C12orf42: variants seen among roughly 807,000 people sequenced by gnomAD.
C12orf42 encodes uncharacterized protein C12orf42.
A neutral mutation model predicts 21.6 loss-of-function variants in C12orf42; 25 were observed. That is an observed-to-expected ratio of 1.16 (90% CI 0.84 to 1.62). The LOEUF (loss-of-function observed/expected upper bound fraction) is 1.62, where lower values mean the gene tolerates loss of function less well. Among genes scored for constraint, C12orf42 ranks in the 40% most tolerant of loss-of-function variants. The probability of loss-of-function intolerance (pLI) is 0.00; values close to 1 mark genes in which losing one functional copy is unlikely to be tolerated. For missense variants in C12orf42, 483 were observed against 459.3 expected (o/e 1.05, Z -0.47); for synonymous variants, 174 against 175.0 (o/e 0.99, Z 0.05).
the C12orf42 span, among the ~76,000 whole-genome samples, chr12:103,090,994 A>G: frequency 7.2e-5 from 11 of 152,024 alleles, 1 homozygote; most frequent in East Asian, 1.7e-3. Context: ...AAAAAAAAAA[A>G]GAATACAAAA....
At chr12:103,269,795 GGA>G (rs1376239641) in intron 6 of C12orf42, 1 of 152,406 alleles carries the variant, frequency 6.6e-6, no homozygotes, top group East Asian at 1.9e-4. Context: ...GGGTGTCACA[GGA>G]GAGACTCACC....
chr12:103,398,732 T>C (rs949781594), intron 3 of C12orf42, among the ~76,000 whole-genome samples: 2 of 152,100 alleles, frequency 1.3e-5, no homozygotes, highest in East Asian at 1.9e-4. Context: ...CCCCACCCCA[T>C]TTATTGAATA....
At chr12:103,498,348 G>A (rs1336075099), upstream of C12orf42, among the ~76,000 whole-genome samples, 10 of 152,232 alleles carry the variant, frequency 6.6e-5, no homozygotes, top group East Asian at 5.8e-4. Context: ...TCAATAAATC[G>A]TTGTTGGATG....
At chr12:103,150,601 T>G in the C12orf42 span, among the ~76,000 whole-genome samples, 1 of 152,226 alleles carries the variant, frequency 6.6e-6, no homozygotes, top group Non-Finnish European at 1.5e-5. Context: ...GCAGAATCAC[T>G]TATTCCAGTA....
the C12orf42 span, among the ~76,000 whole-genome samples, chr12:103,160,028 A>G: frequency 2.0e-5 from 3 of 152,212 alleles, no homozygotes; most frequent in Non-Finnish European, 2.9e-5. Flanking sequence ...ACACTATTCA[A>G]TGGGGGTATT....
intron 4 of C12orf42, among the ~76,000 whole-genome samples, chr12:103,287,763 G>T (rs2036565489): frequency 6.7e-6 from 1 of 149,550 alleles, no homozygotes; most frequent in South Asian, 2.1e-4. Flanking sequence ...ACAAAAATCA[G>T]AAATTCTAAA....
chr12:103,184,428 C>T, the C12orf42 span, among the ~76,000 whole-genome samples: 1 of 151,954 alleles, frequency 6.6e-6, no homozygotes, highest in African/African-American at 2.4e-5. Flanking sequence ...TTTAACCTAC[C>T]TATGTCATTG....
chr12:103,274,408 T>C lies in C12orf42; in HGVS notation n.398+2742A>G, dbSNP rs181353602. Reference sequence around the variant, plus strand: ...CCTGGGTTGTAGCAAGCATTAAATATGTATAATACTTAGTATAGATGGAGC... The same window carrying C: ...CCTGGGTTGTAGCAAGCATTAAATACGTATAATACTTAGTATAGATGGAGC... On this transcript the variant is annotated intron_variant and non_coding_transcript_variant, in intron 5 of 6. Transcript: ENST00000546526. 2.2e-4 allele frequency among the ~76,000 whole-genome samples: 33 copies of C among 152,290 alleles called. No individual in the cohort carries two copies. In the East Asian group the frequency reaches 6.2e-3, roughly 29 times the overall value.
the C12orf42 span, among the ~76,000 whole-genome samples, chr12:103,177,957 G>A: frequency 6.6e-6 from 1 of 152,168 alleles, no homozygotes; most frequent in Non-Finnish European, 1.5e-5. Context: ...TTGCAGAAAA[G>A]AATAAAGCGT....
At chr12:103,451,568 T>C (rs534724389) in intron 2 of C12orf42, among the ~76,000 whole-genome samples, 3 of 152,212 alleles carry the variant, frequency 2.0e-5, no homozygotes, top group South Asian at 4.1e-4. Context: ...CTATAAATTA[T>C]GCTTGCAAAC....
chr12:103,370,715 C>T (rs2045130576), intron 3 of C12orf42, among the ~76,000 whole-genome samples: 1 of 151,962 alleles, frequency 6.6e-6, no homozygotes, highest in Non-Finnish European at 1.5e-5. Context: ...ACAAGAGGCA[C>T]TAGGGCCTAC....
intron 4 of C12orf42, among the ~76,000 whole-genome samples, chr12:103,313,749 T>C (rs2039189450): frequency 6.6e-6 from 1 of 152,218 alleles, no homozygotes; most frequent in Admixed American, 6.5e-5. Context: ...GAATGACCTC[T>C]TCGGTGGCAA....
the C12orf42 span, among the ~76,000 whole-genome samples, chr12:103,117,850 C>T: frequency 0.012 from 1,812 of 152,264 alleles, 26 homozygotes; most frequent in African/African-American, 0.042. Flanking sequence ...GTTTAAAATG[C>T]TTACTCCCCA....
At chr12:103,084,555 C>G in the C12orf42 span, among the ~76,000 whole-genome samples, 1 of 152,068 alleles carries the variant, frequency 6.6e-6, no homozygotes, top group Non-Finnish European at 1.5e-5. Context: ...AGATATTTCT[C>G]AAATAGCTAT....
the C12orf42 span, among the ~76,000 whole-genome samples, chr12:103,522,645 A>T: frequency 1.3e-5 from 2 of 152,052 alleles, no homozygotes; most frequent in African/African-American, 4.8e-5. Flanking sequence ...GTCTCAGGAG[A>T]CTATTTCGAG....
intron 10 of C12orf42, among the ~76,000 whole-genome samples, chr12:103,245,728 G>A (rs1004207941): frequency 1.3e-5 from 2 of 152,056 alleles, no homozygotes; most frequent in Admixed American, 6.6e-5. Context: ...CCAATGTGCA[G>A]AAATAAACAA....
At chr12:103,107,760 T>C in the C12orf42 span, among the ~76,000 whole-genome samples, 1 of 150,638 alleles carries the variant, frequency 6.6e-6, no homozygotes, top group African/African-American at 2.4e-5. Context: ...AATATATTAA[T>C]GAAAAAGAAA....
chr12:103,487,859 G>C (rs1954940129), intron 1 of C12orf42, among the ~76,000 whole-genome samples: 1 of 152,142 alleles, frequency 6.6e-6, no homozygotes, highest in Non-Finnish European at 1.5e-5. Context: ...CTCTGCATGT[G>C]AGATGGGTCT....
intron 5 of C12orf42, among the ~76,000 whole-genome samples, chr12:103,270,665 T>G (rs1484463640): frequency 1.3e-5 from 2 of 151,264 alleles, no homozygotes; most frequent in African/African-American, 2.4e-5. Flanking sequence ...GCCATGCTGG[T>G]GTGCTGCACC....
Sources: allele counts gnomAD v4.1 joint callset (sites outside exome capture counted in the v4.1 genomes callset), GRCh38; gene constraint gnomAD v4.1.1; transcripts MANE v1.5; gene names NCBI Gene and HGNC (gene_info 2026-07-23, HGNC 2026-07-21).